The following EPSTI1 variants were observed in gnomAD, a reference collection of about 807,000 sequenced individuals.
The protein encoded by EPSTI1 is epithelial stromal interaction 1, also known as epithelial-stromal interaction protein 1.
In EPSTI1, 66 loss-of-function variants were observed where a neutral mutation model predicts 49.9. The ratio of observed to expected loss-of-function variants is 1.32; its 90% CI spans 1.08 to 1.62. EPSTI1 has a LOEUF of 1.62. Among genes scored for constraint, EPSTI1 ranks in the 40% most tolerant of loss-of-function variants. EPSTI1 has a pLI of 0.00. For missense variants in EPSTI1, 394 were observed against 365.5 expected (o/e 1.08, Z -0.64); for synonymous variants, 137 against 130.7 (o/e 1.05, Z -0.33).
At chr13:42,888,694 T>C (rs2036937801) in intron 10 of EPSTI1, among the ~76,000 whole-genome samples, 192 bp from the exon 11 acceptor site, 1 of 152,206 alleles carries the variant, frequency 6.6e-6, no homozygotes, top group South Asian at 2.1e-4. Context: ...ATTCACAAAA[T>C]AGTCTTGGTC....
chr13:42,933,851 C>CT (rs141210951), intron 6 of EPSTI1: 1 of 152,752 alleles, frequency 6.5e-6, no homozygotes, highest in Non-Finnish European at 1.5e-5. Context: ...GAGGAATACC[C>CT]CCCTGCATGG....
intron 6 of EPSTI1, among the ~76,000 whole-genome samples, chr13:42,942,560 C>T (rs757674439): frequency 3.3e-5 from 5 of 150,280 alleles, no homozygotes; most frequent in Non-Finnish European, 5.9e-5. Context: ...ACTCATACAA[C>T]AAAGGAAAAA....
chr13:42,917,990 T>A (rs1215029844), intron 7 of EPSTI1, among the ~76,000 whole-genome samples: 4 of 152,210 alleles, frequency 2.6e-5, no homozygotes. Context: ...TCAGTCAATA[T>A]TAAAGACAAG....
At chr13:42,969,401 G>C in intron 2 of EPSTI1, 1 of 480,900 alleles carries the variant, frequency 2.1e-6, no homozygotes, top group Non-Finnish European at 3.6e-6. Context: ...CAGAGGGTTC[G>C]AATTTGAAAA....
At chr13:42,969,218 T>G in intron 2 of EPSTI1, 41 bp from the exon 3 acceptor site, 1 of 1,592,954 alleles carries the variant, frequency 6.3e-7, no homozygotes, top group South Asian at 1.1e-5. Context: ...ATTATTAGAC[T>G]TCTAAAAGAA....
Position 42,933,678 on chromosome 13 carries a change from C to T in EPSTI1, c.564-7249G>A, listed in dbSNP as rs868198788. 4.6e-5 allele frequency among the ~76,000 whole-genome samples: 7 copies of T among 152,342 alleles called. 1 individual carries two copies. In the Middle Eastern group the frequency reaches 0.014, roughly 296 times the overall value. ...TCATGTAATTGGCAGTTGGTCAAAGCTGGTGCCAGACCCAGCCTCCTGAAG... is the reference window on the plus strand; with the variant it reads ...TCATGTAATTGGCAGTTGGTCAAAGTTGGTGCCAGACCCAGCCTCCTGAAG... On this transcript the variant is annotated intron_variant, in intron 6 of 10. Coordinates refer to ENST00000313624, the MANE Select transcript of EPSTI1 (RefSeq NM_033255.5).
chr13:42,925,467 C>T (rs1043952016), intron 7 of EPSTI1, among the ~76,000 whole-genome samples: 1 of 152,114 alleles, frequency 6.6e-6, no homozygotes, highest in African/African-American at 2.4e-5. Flanking sequence ...CTAGATGTCT[C>T]AGTGTCTGGG....
intron 1 of EPSTI1, among the ~76,000 whole-genome samples, chr13:42,977,678 T>C (rs1460409726): frequency 6.6e-6 from 1 of 152,220 alleles, no homozygotes; most frequent in African/African-American, 2.4e-5. Context: ...ACATCAGTGG[T>C]AATCCGTTGC....
intron 6 of EPSTI1, among the ~76,000 whole-genome samples, chr13:42,946,463 C>A (rs1271019514): frequency 6.6e-6 from 1 of 152,168 alleles, no homozygotes; most frequent in Non-Finnish European, 1.5e-5. Flanking sequence ...GAATAGAGTG[C>A]AGCCAGGAGA....
intron 3 of EPSTI1, among the ~76,000 whole-genome samples, chr13:42,965,020 T>C (rs1342515746): frequency 1.3e-5 from 2 of 152,208 alleles, no homozygotes; most frequent in Admixed American, 1.3e-4. Flanking sequence ...AAAGATACCA[T>C]AGGGACTTTT....
At chr13:42,978,865 C>T (rs1475730210) in intron 1 of EPSTI1, among the ~76,000 whole-genome samples, 1 of 152,116 alleles carries the variant, frequency 6.6e-6, no homozygotes, top group Non-Finnish European at 1.5e-5. Context: ...GTGACTGATT[C>T]CCTTTGCTGC....
At chr13:42,978,997 A>C (rs745636512) in intron 1 of EPSTI1, among the ~76,000 whole-genome samples, 3 of 152,182 alleles carry the variant, frequency 2.0e-5, no homozygotes, top group Non-Finnish European at 4.4e-5. Flanking sequence ...AATAATAAGG[A>C]CCACTGCATG....
At chr13:42,913,127 A>G (rs1159882216) in intron 8 of EPSTI1, among the ~76,000 whole-genome samples, 1 of 152,008 alleles carries the variant, frequency 6.6e-6, no homozygotes, top group Non-Finnish European at 1.5e-5. Context: ...GTAAATAAAT[A>G]AAACAGAGAA....
chr13:42,940,322 G>A (rs1269652858), intron 6 of EPSTI1, among the ~76,000 whole-genome samples: 8 of 152,004 alleles, frequency 5.3e-5, no homozygotes, highest in African/African-American at 1.9e-4. Context: ...TTGGAAAGTC[G>A]GGTCCTACCT....
chr13:42,925,633 A>G (rs2038148279), intron 7 of EPSTI1, among the ~76,000 whole-genome samples: 1 of 152,148 alleles, frequency 6.6e-6, no homozygotes, highest in Admixed American at 6.5e-5. Flanking sequence ...ATATCCTTCT[A>G]GCTCACTTTT....
Position 42,900,341 on chromosome 13 carries a change from T to C in EPSTI1, c.784A>G (p.Arg262Gly), listed in dbSNP as rs746030726. ...TGTTCAGTCTGGTGGATTTTGGCTCTTTCTTGCTCTTGCTGCTGCCGTTTC... is the reference window on the plus strand; with the variant it reads ...TGTTCAGTCTGGTGGATTTTGGCTCCTTCTTGCTCTTGCTGCTGCCGTTTC... ...ELKRQQQEQE[R>G]AKIHQTEHRR... Residue 262 changes from arginine (R) to glycine (G), a missense_variant, in exon 9 of 11, where the codon AGA becomes GGA. By Grantham distance (125) the Arg-to-Gly change is moderately radical. Transcript: ENST00000313624. The C allele has an allele frequency of 1.9e-6, 3 of 1,613,826 alleles. No homozygotes were observed. The highest frequency in any genetic ancestry group is 1.7e-5 in the Admixed American group (1 of 60,006).
chr13:42,981,213 C>G (rs1594761268), intron 1 of EPSTI1, among the ~76,000 whole-genome samples: 1 of 152,190 alleles, frequency 6.6e-6, no homozygotes, highest in Non-Finnish European at 1.5e-5. Context: ...ATGCAGTCAT[C>G]TCCCTTTGAT....
At chr13:42,967,603 C>G (rs529584296) in intron 3 of EPSTI1, among the ~76,000 whole-genome samples, 1 of 152,120 alleles carries the variant, frequency 6.6e-6, no homozygotes, top group Non-Finnish European at 1.5e-5. Context: ...CAATGGAACC[C>G]TAAAAGGAGT....
chr13:42,914,428 A>T (rs531235265), intron 8 of EPSTI1, among the ~76,000 whole-genome samples: 37 of 148,020 alleles, frequency 2.5e-4, no homozygotes, highest in Admixed American at 6.1e-4. Context: ...TAATACAGTT[A>T]AAAAAAAAAA....
Sources: allele counts gnomAD v4.1 joint callset (sites outside exome capture counted in the v4.1 genomes callset), GRCh38; gene constraint gnomAD v4.1.1; transcripts MANE v1.5; gene names NCBI Gene and HGNC (gene_info 2026-07-23, HGNC 2026-07-21).